PCDH11X: variants seen among roughly 807,000 people sequenced by gnomAD.
The protein encoded by PCDH11X is protocadherin 11 X-linked.
In PCDH11X, 18 loss-of-function variants were observed where a neutral mutation model predicts 53.3. The ratio of observed to expected loss-of-function variants is 0.34; its 90% CI spans 0.23 to 0.50. PCDH11X has a LOEUF of 0.50. Ranked by LOEUF, PCDH11X falls within the 20% of genes least tolerant of loss-of-function variation. The pLI is 0.98. For synonymous variants in PCDH11X, 279 were observed against 393.3 expected, an observed-to-expected ratio of 0.71 and a Z score of 3.44; for missense variants, 570 against 1,032.4, an observed-to-expected ratio of 0.55 and a Z score of 6.14.
At chrX:92,556,303 A>C (rs1442745953) in intron 10 of PCDH11X, among the ~76,000 whole-genome samples, 1 of 111,136 alleles carries the variant, frequency 9.0e-6, no homozygotes, top group Non-Finnish European at 1.9e-5. Context: ...TTAACCCAAA[A>C]GTCCAAGTCC....
In PCDH11X at chrX:92,222,045, G is replaced by A. The variant is rs191007841; in HGVS notation, c.3114+20590G>A. On this transcript the variant is annotated intron_variant, in intron 7 of 10. Transcript: ENST00000682573. ...GATGGGGTTTCATTATGTTGGTCAG[G>A]CTGGTCTTGAACTCCTGACCTCAGA... Among the ~76,000 whole-genome samples, 11 of 111,074 alleles carry A rather than the reference G, an allele frequency of 9.9e-5. No homozygotes were observed. The Admixed American group carries it at 1.1e-3, about 11-fold the overall frequency.
chrX:92,251,784 A>G lies in PCDH11X; in HGVS notation c.3115-11330A>G, dbSNP rs1426037314. Among the ~76,000 whole-genome samples the G allele has an allele frequency of 1.1e-4, 12 of 111,082 alleles. No homozygotes were observed. In the Admixed American group the frequency reaches 1.2e-3, roughly 11 times the overall value. On this transcript the variant is annotated intron_variant, in intron 7 of 10. Coordinates refer to ENST00000682573, the MANE Select transcript of PCDH11X (RefSeq NM_032968.5). The stretch of plus-strand genomic sequence containing the variant: ...ATCATTATTATCATCATTATCATCA[A>G]TAAGGGTAGTTAATGCCGTGGATTT...
At chrX:92,153,909 TA>T (rs1383332516) in intron 6 of PCDH11X, among the ~76,000 whole-genome samples, 2 of 110,892 alleles carry the variant, frequency 1.8e-5, no homozygotes, top group Non-Finnish European at 3.8e-5. Context: ...CAAAGGAGGA[TA>T]AAAGCACCAT....
chrX:91,798,841 A>G (rs1045585093), intron 1 of PCDH11X, among the ~76,000 whole-genome samples: 13 of 110,652 alleles, frequency 1.2e-4, no homozygotes, highest in African/African-American at 3.9e-4. Flanking sequence ...ATATATTACC[A>G]CTACATAGCA....
At chrX:92,313,237 A>G (rs2068990947) in intron 8 of PCDH11X, among the ~76,000 whole-genome samples, 3 of 110,731 alleles carry the variant, frequency 2.7e-5, no homozygotes, top group African/African-American at 6.6e-5. Context: ...AGTCCCCACT[A>G]TGTAACAGGG....
At chrX:91,871,248 T>C (rs1189389920) in intron 5 of PCDH11X, among the ~76,000 whole-genome samples, 2 of 110,486 alleles carry the variant, frequency 1.8e-5, no homozygotes, top group African/African-American at 6.6e-5. Context: ...AGCCATGTTA[T>C]TGTAGTGTTA....
At chrX:92,255,272 G>A (rs1275221044) in intron 7 of PCDH11X, among the ~76,000 whole-genome samples, 1 of 102,667 alleles carries the variant, frequency 9.7e-6, no homozygotes, top group Non-Finnish European at 2.0e-5. Flanking sequence ...TAGTTCTCGA[G>A]CCTTGGTTTT....
In PCDH11X at chrX:92,387,832, C is replaced by T. The variant is rs769584003; in HGVS notation, c.3242C>T (p.Thr1081Ile). 3.0e-5 allele frequency: 36 copies of T among 1,209,957 alleles called. 1 individual carries two copies. In the South Asian group the frequency reaches 6.0e-4, roughly 20 times the overall value. ...GDHDAGSLTS[T>I]SHGLPLGYPQ... ...CATGATGCAGGCAGCCTTACCAGCA[C>T]ATCTCATGGCCTGCCCCTTGGCTAT... Residue 1081 changes from threonine (T) to isoleucine (I), a missense_variant, in exon 9 of 11, where the codon ACA becomes ATA. Physicochemically the swap from Thr to Ile is moderately conservative, Grantham distance 89. Coordinates refer to ENST00000682573, the MANE Select transcript of PCDH11X (RefSeq NM_032968.5).
chrX:92,077,750 A>G (rs12835318), intron 6 of PCDH11X, among the ~76,000 whole-genome samples: 296 of 110,848 alleles, frequency 2.7e-3, no homozygotes, highest in South Asian at 7.3e-3. Flanking sequence ...AGTAAGAAAC[A>G]TATAGGAGTA....
intron 6 of PCDH11X, among the ~76,000 whole-genome samples, chrX:92,186,266 C>T (rs1401570221): frequency 5.4e-5 from 6 of 111,666 alleles, no homozygotes; most frequent in Admixed American, 9.5e-5. Context: ...CAGAAATAGG[C>T]ACATATGAGA....
At chrX:91,817,765 G>A (rs966488821) in intron 4 of PCDH11X, among the ~76,000 whole-genome samples, 2 of 111,260 alleles carry the variant, frequency 1.8e-5, no homozygotes, top group African/African-American at 6.5e-5. Flanking sequence ...GTATGGAAAA[G>A]AGAGTTCTTT....
At chrX:92,543,304 T>G (rs2148739733) in intron 10 of PCDH11X, among the ~76,000 whole-genome samples, 1 of 105,076 alleles carries the variant, frequency 9.5e-6, no homozygotes, top group Admixed American at 1.1e-4. Flanking sequence ...AAAGCAAATA[T>G]TACATAAAAT....
intron 10 of PCDH11X, among the ~76,000 whole-genome samples, chrX:92,478,562 A>T (rs2073437114): frequency 9.0e-6 from 1 of 110,949 alleles, no homozygotes; most frequent in African/African-American, 3.3e-5. Context: ...ATTCTGCTAT[A>T]TTGTATCTGT....
intron 5 of PCDH11X, among the ~76,000 whole-genome samples, chrX:91,872,949 G>T (rs1166144229): frequency 9.3e-6 from 1 of 107,707 alleles, no homozygotes; most frequent in Non-Finnish European, 1.9e-5. Flanking sequence ...AAACAGTCTT[G>T]GAATCATCAT....
intron 10 of PCDH11X, among the ~76,000 whole-genome samples, chrX:92,616,912 TC>T (rs1242880234): frequency 8.9e-6 from 1 of 111,763 alleles, no homozygotes; most frequent in African/African-American, 3.3e-5. Context: ...TTTATTTTTT[TC>T]ATCTTTTTTT....
intron 10 of PCDH11X, among the ~76,000 whole-genome samples, chrX:92,565,374 G>A (rs1282067419): frequency 1.9e-5 from 2 of 103,114 alleles, no homozygotes; most frequent in African/African-American, 7.0e-5. Context: ...CCAATATTTG[G>A]AGACAACCCA....
chrX:92,539,861 G>T (rs2074727186), intron 10 of PCDH11X, among the ~76,000 whole-genome samples: 2 of 111,214 alleles, frequency 1.8e-5, no homozygotes, highest in South Asian at 3.8e-4. Flanking sequence ...GAATTACCTG[G>T]ATTACCAGGA....
At chrX:92,019,171 C>T (rs1207668099) in intron 6 of PCDH11X, among the ~76,000 whole-genome samples, 3 of 109,092 alleles carry the variant, frequency 2.7e-5, no homozygotes, top group Non-Finnish European at 5.7e-5. Context: ...CACCAGGACT[C>T]ATTCTTGGCC....
chrX:92,073,638 G>A (rs1017726771), intron 6 of PCDH11X, among the ~76,000 whole-genome samples: 1 of 112,527 alleles, frequency 8.9e-6, no homozygotes, highest in African/African-American at 3.2e-5. Context: ...ATACTTGTAT[G>A]TATGAATATA....
Sources: allele counts gnomAD v4.1 joint callset (sites outside exome capture counted in the v4.1 genomes callset), GRCh38; gene constraint gnomAD v4.1.1; transcripts MANE v1.5; gene names NCBI Gene and HGNC (gene_info 2026-07-23, HGNC 2026-07-21).